RIMS1: variants seen among roughly 807,000 people sequenced by gnomAD.
The protein encoded by RIMS1 is regulating synaptic membrane exocytosis 1.
RIMS1 carries 83 observed loss-of-function variants against 214.1 expected under a neutral mutation model. The ratio of observed to expected loss-of-function variants is 0.39; its 90% CI spans 0.32 to 0.47. The LOEUF is 0.47. Ranked by LOEUF, RIMS1 falls within the 20% of genes least tolerant of loss-of-function variation. The pLI is 0.99. For missense variants in RIMS1, 2,050 were observed against 2,161.8 expected, an observed-to-expected ratio of 0.95 and a Z score of 1.03; for synonymous variants, 793 against 786.8, an observed-to-expected ratio of 1.01 and a Z score of -0.13.
intron 2 of RIMS1, among the ~76,000 whole-genome samples, chr6:71,981,423 C>A (rs965680927): frequency 4.6e-5 from 7 of 152,100 alleles, no homozygotes; most frequent in Non-Finnish European, 1.0e-4. Flanking sequence ...CTTGCTCAAT[C>A]TTGGGCTAGG....
intron 23 of RIMS1, among the ~76,000 whole-genome samples, chr6:72,278,093 A>T (rs1418643635): frequency 6.6e-6 from 1 of 152,080 alleles, no homozygotes; most frequent in Admixed American, 6.6e-5. Context: ...TTAACATGTC[A>T]CTGGCTTTAC....
rs1180744100 is a variant in RIMS1 at position 72,065,250 on chromosome 6, G to A, written c.246-31699G>A. On this transcript the variant is annotated intron_variant, in intron 2 of 33. Transcript: ENST00000521978. Reference sequence around the variant, plus strand: ...TAATGGATACCAAATTCTTGTCAAGGCTCCTGTCTCATCTGCACTTGTATT... The same window carrying A: ...TAATGGATACCAAATTCTTGTCAAGACTCCTGTCTCATCTGCACTTGTATT... 1.3e-5 allele frequency among the ~76,000 whole-genome samples: 2 copies of A among 152,056 alleles called. 1 individual carries two copies. Among genetic ancestry groups the A allele is most frequent in the Admixed American group, 1.3e-4 (2 of 15,274 alleles).
chr6:71,981,164 C>T (rs1321890845), intron 2 of RIMS1, among the ~76,000 whole-genome samples: 1 of 152,102 alleles, frequency 6.6e-6, no homozygotes. Flanking sequence ...TGCTGATTTT[C>T]TATCAACTCT....
At chr6:72,197,716 C>T (rs896795565) in intron 6 of RIMS1, among the ~76,000 whole-genome samples, 3 of 151,920 alleles carry the variant, frequency 2.0e-5, no homozygotes, top group Non-Finnish European at 1.5e-5. Flanking sequence ...AATAAAATAA[C>T]CTGATCTTAG....
At chr6:72,088,088 A>G (rs773850269) in intron 2 of RIMS1, among the ~76,000 whole-genome samples, 1 of 152,138 alleles carries the variant, frequency 6.6e-6, no homozygotes, top group Non-Finnish European at 1.5e-5. Context: ...CCTTCTAAAA[A>G]TGAGTCATCC....
At chr6:72,277,594 A>C (rs182672941) in intron 23 of RIMS1, among the ~76,000 whole-genome samples, 2,250 of 151,788 alleles carry the variant, frequency 0.015, 20 homozygotes, top group Non-Finnish European at 0.017. Flanking sequence ...AAAAAAAAAA[A>C]GAATATTTTC....
At chr6:71,980,223 C>G (rs768891347) in intron 2 of RIMS1, among the ~76,000 whole-genome samples, 3 of 151,948 alleles carry the variant, frequency 2.0e-5, no homozygotes, top group Non-Finnish European at 4.4e-5. Flanking sequence ...CAACTGAGAT[C>G]GGTACCCACT....
At chr6:71,969,620 C>A (rs959097881) in intron 2 of RIMS1, among the ~76,000 whole-genome samples, 3 of 151,976 alleles carry the variant, frequency 2.0e-5, no homozygotes, top group Non-Finnish European at 4.4e-5. Flanking sequence ...ACCAGCCTGG[C>A]CAATATGGTG....
At chr6:71,940,682 A>G (rs983673048) in intron 1 of RIMS1, among the ~76,000 whole-genome samples, 43 of 152,204 alleles carry the variant, frequency 2.8e-4, no homozygotes, top group African/African-American at 9.9e-4. Context: ...GGGTGAGCTC[A>G]TGGAAAAGTA....
At chr6:71,933,226 A>C (rs915183009) in intron 1 of RIMS1, among the ~76,000 whole-genome samples, 10 of 151,300 alleles carry the variant, frequency 6.6e-5, no homozygotes, top group Non-Finnish European at 1.3e-4. Flanking sequence ...CTGTTGTGAA[A>C]CCTCCTCTGA....
At chr6:72,088,408 C>G (rs949941233) in intron 2 of RIMS1, among the ~76,000 whole-genome samples, 2 of 151,826 alleles carry the variant, frequency 1.3e-5, no homozygotes, top group African/African-American at 2.4e-5. Context: ...GCCACCACAC[C>G]CAGCTAATTT....
At chr6:72,270,236 G>T (rs897383751) in intron 22 of RIMS1, among the ~76,000 whole-genome samples, 1 of 152,086 alleles carries the variant, frequency 6.6e-6, no homozygotes, top group Non-Finnish European at 1.5e-5. Flanking sequence ...ATAACTATGT[G>T]TATTAATTAA....
At chr6:72,104,658 C>A (rs1455664705) in intron 4 of RIMS1, among the ~76,000 whole-genome samples, 1 of 152,072 alleles carries the variant, frequency 6.6e-6, no homozygotes, top group East Asian at 1.9e-4. Context: ...GAGCATGGAG[C>A]AGAGAAGAAA....
intron 6 of RIMS1, chr6:72,216,560 A>C: frequency 2.0e-6 from 2 of 985,464 alleles, no homozygotes; most frequent in Non-Finnish European, 2.4e-6. Context: ...AGTTAGGGAA[A>C]CTGCAGAGGA....
intron 18 of RIMS1, among the ~76,000 whole-genome samples, 168 bp from the exon 19 acceptor site, chr6:72,260,537 T>C (rs1591006525): frequency 6.6e-6 from 1 of 152,312 alleles, no homozygotes; most frequent in Middle Eastern, 3.4e-3. Context: ...CTTTATTGTT[T>C]AAATTTTTTA....
At chr6:72,057,185 ACT>A in intron 2 of RIMS1, among the ~76,000 whole-genome samples, 2 of 152,242 alleles carry the variant, frequency 1.3e-5, no homozygotes, top group South Asian at 4.1e-4. Flanking sequence ...AAAAATTCAA[ACT>A]CACATATTCA....
At chr6:72,326,111 C>A (rs1230913811) in intron 28 of RIMS1, among the ~76,000 whole-genome samples, 1 of 151,708 alleles carries the variant, frequency 6.6e-6, no homozygotes, top group East Asian at 1.9e-4. Flanking sequence ...CATTATTATT[C>A]TTTATACTAC....
At chr6:72,174,050 A>G (rs929462430) in intron 4 of RIMS1, among the ~76,000 whole-genome samples, 9 of 152,132 alleles carry the variant, frequency 5.9e-5, no homozygotes, top group Non-Finnish European at 1.2e-4. Context: ...CTGCCATAGT[A>G]TCTGCCATCT....
At chr6:71,905,638 A>T (rs1368432074) in intron 1 of RIMS1, among the ~76,000 whole-genome samples, 1 of 152,188 alleles carries the variant, frequency 6.6e-6, no homozygotes, top group Non-Finnish European at 1.5e-5. Context: ...ATTTAAAAAA[A>T]ATTAACTTGT....
Sources: gnomAD v4.1 joint callset for allele counts (sites outside exome capture counted in the v4.1 genomes callset) on GRCh38, gnomAD v4.1.1 for gene constraint, MANE v1.5 for transcripts, NCBI Gene and HGNC (gene_info 2026-07-23, HGNC 2026-07-21) for gene names.